The following MEGF10 variants were observed in gnomAD, a reference collection of about 807,000 sequenced individuals.
The protein encoded by MEGF10 is multiple EGF like domains 10, also known as multiple epidermal growth factor-like domains protein 10.
MEGF10 carries 86 observed loss-of-function variants against 147.5 expected under a neutral mutation model. The ratio of observed to expected loss-of-function variants is 0.58; its 90% CI spans 0.49 to 0.70. The LOEUF (loss-of-function observed/expected upper bound fraction) is 0.70. Among genes scored for constraint, MEGF10 ranks in the 30% least tolerant of loss-of-function variants. The pLI is 0.00. For missense variants in MEGF10, 1,329 were observed against 1,487.3 expected, an observed-to-expected ratio of 0.89 and a Z score of 1.75; for synonymous variants, 478 against 525.5, an observed-to-expected ratio of 0.91 and a Z score of 1.24.
chr5:127,368,766 A>G (rs567074647), intron 4 of MEGF10, among the ~76,000 whole-genome samples: 3 of 152,264 alleles, frequency 2.0e-5, no homozygotes, highest in Admixed American at 2.0e-4. Flanking sequence ...GTATATACAT[A>G]TATACACACA....
At chr5:127,312,565 A>G (rs1414627494) in intron 1 of MEGF10, among the ~76,000 whole-genome samples, 1 of 152,206 alleles carries the variant, frequency 6.6e-6, no homozygotes, top group Non-Finnish European at 1.5e-5. Flanking sequence ...CTCTGTAAGG[A>G]CTTTCTTCTG....
intron 2 of MEGF10, among the ~76,000 whole-genome samples, chr5:127,333,450 T>C (rs1468741551): frequency 6.6e-6 from 1 of 151,484 alleles, no homozygotes; most frequent in Non-Finnish European, 1.5e-5. Context: ...AGGTGGAGGC[T>C]GTAGTGAGCT....
At chr5:127,409,519 T>A (rs909440617) in intron 8 of MEGF10, 1 of 152,276 alleles carries the variant, frequency 6.6e-6, no homozygotes, top group Non-Finnish European at 1.5e-5. Context: ...CAATGAGCGA[T>A]CATTTTCTCT....
At chr5:127,383,933 G>A (rs1338489948) in intron 5 of MEGF10, among the ~76,000 whole-genome samples, 1 of 152,176 alleles carries the variant, frequency 6.6e-6, no homozygotes, top group East Asian at 1.9e-4. Context: ...CTTACTCTGA[G>A]ATTTTAGGGA....
At chr5:127,416,051 C>T (rs563489218) in intron 9 of MEGF10, among the ~76,000 whole-genome samples, 67 of 140,500 alleles carry the variant, frequency 4.8e-4, no homozygotes, top group Non-Finnish European at 8.6e-4. Flanking sequence ...GTTTTTGAGA[C>T]GGAGTCTCGC....
intron 1 of MEGF10, among the ~76,000 whole-genome samples, chr5:127,315,581 G>T (rs1760510349): frequency 6.6e-6 from 1 of 152,072 alleles, no homozygotes; most frequent in Non-Finnish European, 1.5e-5. Context: ...TTCAAGACCA[G>T]CATGGGCAAT....
the MEGF10 span, among the ~76,000 whole-genome samples, chr5:127,264,604 A>ATAGAGT: frequency 1.3e-5 from 2 of 152,122 alleles, no homozygotes; most frequent in Non-Finnish European, 2.9e-5. Flanking sequence ...TGCACTCTCC[A>ATAGAGT]TCAGGCAGGT....
At position 127,411,640 on chromosome 5, in the gene MEGF10, G is replaced by A. The variant is rs534693375; in HGVS notation, c.1130+1039G>A. On this transcript the variant is annotated intron_variant, in intron 9 of 24. Transcript: ENST00000503335. ...GAAGTGTATTCTCAATATGATTCAAGTAACTTTGTAAGCCATATTAGTCAA... is the reference window on the plus strand; with the variant it reads ...GAAGTGTATTCTCAATATGATTCAAATAACTTTGTAAGCCATATTAGTCAA... Among the ~76,000 whole-genome samples the A allele has an allele frequency of 2.6e-5, 4 of 152,280 alleles. No homozygotes were observed. The South Asian group carries it at 8.3e-4, about 32-fold the overall frequency.
In MEGF10 at chr5:127,377,102, T is replaced by C. The variant is rs140630620; in HGVS notation, c.412+7100T>C. Among the ~76,000 whole-genome samples the C allele has an allele frequency of 2.3e-3, 353 of 152,332 alleles. 1 individual carries two copies. Among genetic ancestry groups the C allele is most frequent in the African/African-American group, 8.2e-3 (341 of 41,564 alleles). On this transcript the variant is annotated intron_variant, in intron 5 of 24. Coordinates refer to ENST00000503335, the MANE Select transcript of MEGF10 (RefSeq NM_001256545.2). ...ATCTAGACTTTCCTCATTCATAATCTTGTGAATGTTGGGGCAGATTCTATT... is the reference window on the plus strand; with the variant it reads ...ATCTAGACTTTCCTCATTCATAATCCTGTGAATGTTGGGGCAGATTCTATT...
At chr5:127,346,839 A>T (rs1416064453) in intron 4 of MEGF10, among the ~76,000 whole-genome samples, 1 of 152,096 alleles carries the variant, frequency 6.6e-6, no homozygotes, top group Non-Finnish European at 1.5e-5. Context: ...AGTGTTTCAG[A>T]TTTTGGATTT....
chr5:127,457,439 C>A lies in MEGF10; in HGVS notation c.*121C>A. On this transcript the variant is annotated 3_prime_UTR_variant, in exon 25 of 25. Transcript: ENST00000503335. ...GTCAATTCGGTGGGCAATTTTTGGA[C>A]ATGAACCAGAAAGCTGAAAGCTGAG... The A allele has an allele frequency of 9.0e-7, 1 of 1,105,802 alleles. No individual in the cohort carries two copies. Among genetic ancestry groups the A allele is most frequent in the Non-Finnish European group, 1.3e-6 (1 of 796,060 alleles). 68.5% of individuals were successfully genotyped at this position (1,105,802 alleles called of 1,614,324 possible). A position where few individuals can be genotyped will look rare whatever the true frequency, so the allele number is the denominator to read the frequency against.
chr5:127,248,454 T>C, the MEGF10 span, among the ~76,000 whole-genome samples: 1 of 152,076 alleles, frequency 6.6e-6, no homozygotes, highest in Non-Finnish European at 1.5e-5. Flanking sequence ...TTTAAAACAA[T>C]GTTTATACAC....
chr5:127,420,351 A>G (rs1764950362), intron 12 of MEGF10, 144 bp downstream of exon 12: 1 of 879,816 alleles, frequency 1.1e-6, no homozygotes, highest in South Asian at 1.9e-5. Flanking sequence ...AGGTATTTGG[A>G]TTCAAATTGG....
At chr5:127,267,539 A>T in the MEGF10 span, among the ~76,000 whole-genome samples, 1 of 152,164 alleles carries the variant, frequency 6.6e-6, no homozygotes, top group East Asian at 1.9e-4. Context: ...TTAGCTGTGA[A>T]TCAGTCTGGT....
intron 1 of MEGF10, among the ~76,000 whole-genome samples, chr5:127,291,983 G>A (rs1385025891): frequency 6.6e-6 from 1 of 152,176 alleles, no homozygotes; most frequent in Non-Finnish European, 1.5e-5. Flanking sequence ...AGAAGAGAAT[G>A]ACATTTCTTC....
At chr5:127,383,527 T>G (rs1269240350) in intron 5 of MEGF10, among the ~76,000 whole-genome samples, 1 of 151,978 alleles carries the variant, frequency 6.6e-6, no homozygotes, top group Non-Finnish European at 1.5e-5. Context: ...AACAAAAGAT[T>G]CACAGCAACA....
chr5:127,369,571 A>G (rs1457691665), intron 4 of MEGF10, among the ~76,000 whole-genome samples: 4 of 152,164 alleles, frequency 2.6e-5, no homozygotes. Context: ...GTTTCTCTAT[A>G]TAGGCTTCTT....
At chr5:127,433,073 C>G (rs950749665) in intron 13 of MEGF10, among the ~76,000 whole-genome samples, 4 of 152,172 alleles carry the variant, frequency 2.6e-5, no homozygotes, top group African/African-American at 9.7e-5. Context: ...ATTTTACTTG[C>G]AATAGACAGA....
At position 127,298,801 on chromosome 5, in the gene MEGF10, G is replaced by A. The variant is rs116210038; in HGVS notation, c.-19+7745G>A. On this transcript the variant is annotated intron_variant, in intron 1 of 24. Coordinates refer to ENST00000503335, the MANE Select transcript of MEGF10 (RefSeq NM_001256545.2). Reference sequence around the variant, plus strand: ...ACACAACGCTGTTCATGTGACAGCCGGAGTAAAGGACCCATTGTTCAGGGG... The same window carrying A: ...ACACAACGCTGTTCATGTGACAGCCAGAGTAAAGGACCCATTGTTCAGGGG... Among the ~76,000 whole-genome samples, 728 of 152,202 alleles carry A rather than the reference G, an allele frequency of 4.8e-3. 1 individual carries two copies. Among genetic ancestry groups the A allele is most frequent in the African/African-American group, 0.017 (692 of 41,536 alleles).
Sources: allele counts gnomAD v4.1 joint callset (sites outside exome capture counted in the v4.1 genomes callset), GRCh38; gene constraint gnomAD v4.1.1; transcripts MANE v1.5; gene names NCBI Gene and HGNC (gene_info 2026-07-23, HGNC 2026-07-21).